MCTP1: variants seen among roughly 807,000 people sequenced by gnomAD.
MCTP1 encodes multiple C2 and transmembrane domain containing 1.
In MCTP1, 69 loss-of-function variants were observed where a neutral mutation model predicts 120.6. The ratio of observed to expected loss-of-function variants is 0.57; its 90% confidence interval spans 0.47 to 0.70. The LOEUF (loss-of-function observed/expected upper bound fraction) is 0.70. Ranked by LOEUF, MCTP1 falls within the 30% of genes least tolerant of loss-of-function variation. The pLI is 0.00. For missense variants in MCTP1, 1,203 were observed against 1,248.8 expected, an observed-to-expected ratio of 0.96 and a Z score of 0.55; for synonymous variants, 529 against 493.1, an observed-to-expected ratio of 1.07 and a Z score of -0.96.
intron 11 of MCTP1, among the ~76,000 whole-genome samples, chr5:94,891,747 AAAATAAATAAATAAATAAAT>A (rs66803101): frequency 3.7e-4 from 55 of 148,448 alleles, no homozygotes; most frequent in Non-Finnish European, 5.2e-4. Context: ...ATAAGAAGTA[AAAATAAATAAATAAATAAAT>A]AAATAAATAA....
At chr5:94,846,608 C>G (rs1343676036) in intron 17 of MCTP1, among the ~76,000 whole-genome samples, 1 of 152,162 alleles carries the variant, frequency 6.6e-6, no homozygotes, top group Non-Finnish European at 1.5e-5. Flanking sequence ...CTGTGACATG[C>G]AGTTTACCTA....
intron 19 of MCTP1, among the ~76,000 whole-genome samples, chr5:94,755,536 T>C (rs1203967422): frequency 6.6e-6 from 1 of 152,206 alleles, no homozygotes; most frequent in Non-Finnish European, 1.5e-5. Flanking sequence ...CGACCACAAC[T>C]AATCCAATCA....
At chr5:95,187,679 C>T (rs900627374) in intron 1 of MCTP1, among the ~76,000 whole-genome samples, 2 of 152,102 alleles carry the variant, frequency 1.3e-5, no homozygotes, top group African/African-American at 2.4e-5. Flanking sequence ...GGATTACAGG[C>T]GTGAGCCACC....
At position 95,153,244 on chromosome 5, in the gene MCTP1, C is replaced by G. The variant is rs371940728; in HGVS notation, c.720+130612G>C. On this transcript the variant is annotated intron_variant, in intron 1 of 22. Coordinates refer to ENST00000515393, the MANE Select transcript of MCTP1 (RefSeq NM_024717.7). ...AAATGTTTGGCATTCCCCCCGACCT[C>G]TCCTGCCACCATGTAATATATGCCT... 9.2e-5 allele frequency among the ~76,000 whole-genome samples: 14 copies of G among 152,302 alleles called. No individual in the cohort carries two copies. The South Asian group carries it at 2.7e-3, about 29-fold the overall frequency.
At chr5:94,916,028 G>C (rs932123476) in intron 8 of MCTP1, among the ~76,000 whole-genome samples, 6 of 152,012 alleles carry the variant, frequency 3.9e-5, no homozygotes, top group African/African-American at 1.4e-4. Context: ...AATTTAAAAA[G>C]TTTCAAAGAT....
chr5:95,173,663 G>T (rs561103210), intron 1 of MCTP1, among the ~76,000 whole-genome samples: 2 of 152,198 alleles, frequency 1.3e-5, no homozygotes, highest in Admixed American at 6.5e-5. Flanking sequence ...ATTCACACAT[G>T]TAGGCAGAAA....
intron 2 of MCTP1, among the ~76,000 whole-genome samples, chr5:94,959,077 C>T (rs890555919): frequency 6.6e-5 from 10 of 152,182 alleles, no homozygotes; most frequent in African/African-American, 2.4e-4. Flanking sequence ...CCACCACAAT[C>T]AAGTCGGCTT....
In MCTP1 at chr5:95,081,396, A is replaced by C. The variant is rs748092389; in HGVS notation, c.721-63912T>G. ...GCCACATTAATTTAAGGCTACCACA[A>C]TCCAGTGAGTAAACCAAAATGTTAC... On this transcript the variant is annotated intron_variant, in intron 1 of 22. Coordinates refer to ENST00000515393, the MANE Select transcript of MCTP1 (RefSeq NM_024717.7). The C allele has an allele frequency of 1.9e-6, 3 of 1,600,106 alleles. No homozygotes were observed. The African/African-American group carries it at 4.0e-5, about 21-fold the overall frequency.
intron 1 of MCTP1, among the ~76,000 whole-genome samples, chr5:95,073,325 G>A (rs1380556580): frequency 6.6e-6 from 1 of 152,130 alleles, no homozygotes; most frequent in Admixed American, 6.5e-5. Flanking sequence ...CAGACTCATG[G>A]CTCAACTTCT....
chr5:95,183,908 G>A (rs1748896010), intron 1 of MCTP1, among the ~76,000 whole-genome samples: 1 of 151,940 alleles, frequency 6.6e-6, no homozygotes, highest in Admixed American at 6.6e-5. Flanking sequence ...TTTTGAAAAA[G>A]AGTTTGGCAA....
Position 94,870,924 on chromosome 5 carries a change from G to A in MCTP1, c.2189C>T (p.Thr730Ile), listed in dbSNP as rs550941007. The A allele has an allele frequency of 2.5e-6, 4 of 1,613,156 alleles. No homozygotes were observed. The South Asian group carries it at 4.4e-5, about 18-fold the overall frequency. ...ATAGATGACCCCCTTTGTTGGCCCT[G>A]TCAGCTGCTTGTTTTTCAAGACGTA... is the stretch of plus-strand genomic sequence containing the variant. ...KAYVLKNKQLTGPTKGVIYLE... is the reference protein window; with the variant it reads ...KAYVLKNKQLIGPTKGVIYLE... Residue 730 changes from threonine (T) to isoleucine (I), a missense_variant, in exon 15 of 23, where the codon ACA becomes ATA. Coordinates refer to ENST00000515393, the MANE Select transcript of MCTP1 (RefSeq NM_024717.7).
rs1024947474 is a variant in MCTP1, at chr5:95,117,408, A to G, written c.721-99924T>C. Among the ~76,000 whole-genome samples the G allele has an allele frequency of 5.4e-3, 813 of 151,400 alleles. 3 individuals are homozygous for G. Among genetic ancestry groups the G allele is most frequent in the Admixed American group, 8.9e-3 (136 of 15,222 alleles). ...TCCGTCTCAAAAAAAAAAAAAAAAA[A>G]AAAAAAAGCTCAACATCACTGATCA... is the stretch of plus-strand genomic sequence containing the variant. On this transcript the variant is annotated intron_variant, in intron 1 of 22. Transcript: ENST00000515393.
At chr5:95,168,542 T>C (rs1448963345) in intron 1 of MCTP1, among the ~76,000 whole-genome samples, 1 of 152,236 alleles carries the variant, frequency 6.6e-6, no homozygotes, top group Non-Finnish European at 1.5e-5. Flanking sequence ...GGAATGAATG[T>C]TCTTCCATTT....
At chr5:94,734,906 G>A (rs1763882675) in intron 19 of MCTP1, among the ~76,000 whole-genome samples, 1 of 152,012 alleles carries the variant, frequency 6.6e-6, no homozygotes, top group African/African-American at 2.4e-5. Context: ...ATGACCTATG[G>A]TATTGATGTA....
At chr5:94,927,762 A>G (rs1813533075) in intron 6 of MCTP1, among the ~76,000 whole-genome samples, 1 of 152,198 alleles carries the variant, frequency 6.6e-6, no homozygotes, top group Non-Finnish European at 1.5e-5. Flanking sequence ...CCAAGGTGTC[A>G]GGTTTAACTA....
chr5:94,766,191 G>A (rs1179281044), intron 19 of MCTP1, among the ~76,000 whole-genome samples: 3 of 152,216 alleles, frequency 2.0e-5, no homozygotes, highest in African/African-American at 7.2e-5. Flanking sequence ...AGGTTGCAGT[G>A]AGCTGAGATC....
intron 19 of MCTP1, among the ~76,000 whole-genome samples, chr5:94,742,559 A>C (rs1765766198): frequency 1.3e-5 from 2 of 152,234 alleles, no homozygotes; most frequent in South Asian, 4.1e-4. Context: ...TGGAAAGAGA[A>C]TCATGAGCTA....
chr5:94,854,512 G>C (rs1287987502), intron 17 of MCTP1, among the ~76,000 whole-genome samples: 1 of 151,854 alleles, frequency 6.6e-6, no homozygotes, highest in East Asian at 1.9e-4. Flanking sequence ...ATATGGCTAA[G>C]ATGTTTGATT....
intron 1 of MCTP1, among the ~76,000 whole-genome samples, chr5:95,059,858 C>T (rs1384678624): frequency 6.6e-6 from 1 of 152,118 alleles, no homozygotes; most frequent in East Asian, 1.9e-4. Flanking sequence ...ACCCCTCACA[C>T]TTTCTCAAAA....
Sources: gnomAD v4.1 joint callset for allele counts (sites outside exome capture counted in the v4.1 genomes callset) on GRCh38, gnomAD v4.1.1 for gene constraint, MANE v1.5 for transcripts, NCBI Gene and HGNC (gene_info 2026-07-23, HGNC 2026-07-21) for gene names.